Variants in CIMIP2B observed in about 807,000 individuals in gnomAD.
The protein encoded by CIMIP2B is ciliary microtubule inner protein 2B.
the CIMIP2B span, chr9:35,562,251 A>G: frequency 9.4e-7 from 1 of 1,060,834 alleles, no homozygotes; most frequent in Non-Finnish European, 1.3e-6. Context: ...GCCTGATAAT[A>G]AAGCTGAACC....
the CIMIP2B span, chr9:35,561,946 T>G: frequency 3.1e-6 from 1 of 327,148 alleles, no homozygotes; most frequent in Non-Finnish European, 5.9e-6. Flanking sequence ...CCCACCTCTC[T>G]CCCTTCCAAA....
chr9:35,563,453 G>A, the CIMIP2B span: 64 of 1,277,242 alleles, frequency 5.0e-5, no homozygotes, highest in Non-Finnish European at 6.0e-5. Flanking sequence ...AGGCAGAAGC[G>A]GAGACCTCTG....
At chr9:35,563,334 C>T in the CIMIP2B span, 1 of 1,613,950 alleles carries the variant, frequency 6.2e-7, no homozygotes, top group Non-Finnish European at 8.5e-7. Context: ...TGACCAGTCA[C>T]CTGCCCATAG....
the CIMIP2B span, chr9:35,562,123 G>A: frequency 4.0e-5 from 59 of 1,469,040 alleles, no homozygotes; most frequent in Non-Finnish European, 5.1e-5. Flanking sequence ...TCTGTCACAT[G>A]TAGCAAGTGG....
chr9:35,562,746 G>A, the CIMIP2B span: 10 of 1,612,340 alleles, frequency 6.2e-6, no homozygotes, highest in Non-Finnish European at 8.5e-6. Flanking sequence ...CCAAGGAGGT[G>A]GAGCTGACAA....
chr9:35,562,557 G>A, the CIMIP2B span: 1 of 1,593,424 alleles, frequency 6.3e-7, no homozygotes, highest in Admixed American at 1.8e-5. Context: ...CGGGCGCAGG[G>A]CACATAGCCA....
At chr9:35,563,298 C>A in the CIMIP2B span, 102 of 1,613,866 alleles carry the variant, frequency 6.3e-5, 1 homozygote, top group South Asian at 1.0e-3. Context: ...GGGGGCCAGG[C>A]TAGGCCAGGA....
At chr9:35,562,627 A>C in the CIMIP2B span, 1 of 1,612,604 alleles carries the variant, frequency 6.2e-7, no homozygotes, top group Non-Finnish European at 8.5e-7. Flanking sequence ...CACGCCTCTG[A>C]TCCTGACCCC....
At chr9:35,563,050 G>A in the CIMIP2B span, 1 of 1,613,972 alleles carries the variant, frequency 6.2e-7, no homozygotes, top group East Asian at 2.2e-5. Context: ...GCAGTTCTTG[G>A]CAAAGATGAA....
the CIMIP2B span, chr9:35,563,432 G>A: frequency 2.4e-5 from 35 of 1,462,006 alleles, no homozygotes; most frequent in Admixed American, 1.5e-4. Context: ...GCCCTGCCCC[G>A]CCATCCCCAG....
At chr9:35,562,387 G>A in the CIMIP2B span, 38 of 1,478,270 alleles carry the variant, frequency 2.6e-5, no homozygotes, top group African/African-American at 2.5e-4. Flanking sequence ...CACCTGGCAC[G>A]TAGCCCCCAT....
the CIMIP2B span, chr9:35,563,241 C>T: frequency 6.2e-7 from 1 of 1,614,010 alleles, no homozygotes; most frequent in East Asian, 2.2e-5. Context: ...CTGGGAACCT[C>T]AGGAGATCTT....
At chr9:35,563,001 G>C in the CIMIP2B span, 1 of 1,613,994 alleles carries the variant, frequency 6.2e-7, no homozygotes. Context: ...TTTCATGCAA[G>C]TGAGTAAAGT....
chr9:35,562,278 C>T, the CIMIP2B span: 1 of 1,106,772 alleles, frequency 9.0e-7, no homozygotes, highest in East Asian at 2.6e-5. Context: ...TCTGAGCCCT[C>T]CCATATCTAT....
At chr9:35,562,083 T>G in the CIMIP2B span, 1 of 1,534,334 alleles carries the variant, frequency 6.5e-7, no homozygotes, top group South Asian at 1.2e-5. Flanking sequence ...GTGGCCAAAC[T>G]GGAACTTATA....
At chr9:35,562,384 C>T in the CIMIP2B span, 1 of 1,476,894 alleles carries the variant, frequency 6.8e-7, no homozygotes, top group African/African-American at 1.4e-5. Context: ...TCTCACCTGG[C>T]ACGTAGCCCC....
chr9:35,562,808 T>C, the CIMIP2B span: 2 of 1,610,184 alleles, frequency 1.2e-6, no homozygotes, highest in Non-Finnish European at 1.7e-6. Context: ...CTGCCCCCAC[T>C]GCCCGGACAC....
the CIMIP2B span, chr9:35,562,399 G>A: frequency 6.7e-7 from 1 of 1,502,882 alleles, no homozygotes; most frequent in Non-Finnish European, 8.9e-7. Flanking sequence ...AGCCCCCATA[G>A]TTAGGTAAAA....
the CIMIP2B span, chr9:35,562,104 C>T: frequency 6.6e-7 from 1 of 1,520,402 alleles, no homozygotes; most frequent in East Asian, 2.5e-5. Flanking sequence ...CCCTGTGTGG[C>T]CAAGAGAGTC....
Sources: gnomAD v4.1 joint callset for allele counts on GRCh38, gnomAD v4.1.1 for gene constraint, MANE v1.5 for transcripts, NCBI Gene and HGNC (gene_info 2026-07-23, HGNC 2026-07-21) for gene names.